The following ADAM22 variants were observed in gnomAD, a reference collection of about 807,000 sequenced individuals.
ADAM22 encodes ADAM metallopeptidase domain 22, also known as disintegrin and metalloproteinase domain-containing protein 22.
ADAM22 carries 65 observed loss-of-function variants against 144.6 expected under a neutral mutation model. The observed-to-expected ratio is 0.45, with a 90% confidence interval of 0.37 to 0.55. ADAM22 has a LOEUF of 0.55. Among genes scored for constraint, ADAM22 ranks in the 20% least tolerant of loss-of-function variants. The pLI is 0.00. For synonymous variants in ADAM22, 391 were observed against 412.6 expected (o/e 0.95, Z 0.63); for missense variants, 974 against 1,184.9 (o/e 0.82, Z 2.61).
At chr7:88,158,836 A>C (rs1840736076) in intron 22 of ADAM22, among the ~76,000 whole-genome samples, 1 of 152,114 alleles carries the variant, frequency 6.6e-6, no homozygotes, top group Non-Finnish European at 1.5e-5. Flanking sequence ...ATCTAACATC[A>C]CAACTAAAAG....
At chr7:88,037,843 A>C (rs1239331586) in intron 3 of ADAM22, among the ~76,000 whole-genome samples, 1 of 152,184 alleles carries the variant, frequency 6.6e-6, no homozygotes, top group East Asian at 1.9e-4. Flanking sequence ...GTGATAATAT[A>C]GCCATATGTA....
At chr7:88,147,984 G>A (rs897365508) in intron 17 of ADAM22, among the ~76,000 whole-genome samples, 3 of 152,062 alleles carry the variant, frequency 2.0e-5, no homozygotes, top group South Asian at 2.1e-4. Flanking sequence ...TGCTTGGCAC[G>A]TTATTAAATA....
chr7:88,045,261 G>C (rs1163759420), intron 3 of ADAM22, among the ~76,000 whole-genome samples: 2 of 152,040 alleles, frequency 1.3e-5, no homozygotes, highest in East Asian at 1.9e-4. Flanking sequence ...CAGGCAATCT[G>C]TCCACCTCAG....
intron 2 of ADAM22, among the ~76,000 whole-genome samples, chr7:87,954,633 T>C (rs200898622): frequency 6.6e-6 from 1 of 152,208 alleles, no homozygotes; most frequent in Non-Finnish European, 1.5e-5. Flanking sequence ...GGAGTTGCTC[T>C]TCTCGAGGAG....
At chr7:88,180,094 T>G (rs1342805770) in intron 27 of ADAM22, among the ~76,000 whole-genome samples, 1 of 152,076 alleles carries the variant, frequency 6.6e-6, no homozygotes, top group African/African-American at 2.4e-5. Context: ...AAGGAATTAG[T>G]GAGACCTGGG....
intron 26 of ADAM22, among the ~76,000 whole-genome samples, chr7:88,175,250 A>G (rs1845348398): frequency 6.6e-6 from 1 of 152,172 alleles, no homozygotes; most frequent in African/African-American, 2.4e-5. Flanking sequence ...TAGATGATTT[A>G]TAATTATGAA....
At chr7:88,124,092 A>G (rs898630613) in intron 7 of ADAM22, among the ~76,000 whole-genome samples, 6 of 151,936 alleles carry the variant, frequency 3.9e-5, no homozygotes, top group African/African-American at 1.4e-4. Context: ...GTATTCTTCA[A>G]TTATTGGGTA....
chr7:88,033,369 T>C (rs1292574748), intron 3 of ADAM22, among the ~76,000 whole-genome samples: 7 of 152,248 alleles, frequency 4.6e-5, no homozygotes, highest in Non-Finnish European at 8.8e-5. Context: ...ACTCTTGTTC[T>C]TTTCCCTTAC....
chr7:88,199,729 A>G lies in ADAM22; in HGVS notation c.*3238A>G, dbSNP rs1324707103. 2.0e-5 allele frequency: 3 copies of G among 152,208 alleles called. No homozygotes were observed. Among genetic ancestry groups the G allele is most frequent in the Admixed American group, 6.5e-5 (1 of 15,276 alleles). 9.4% of individuals were successfully genotyped at this position (152,208 alleles called of 1,614,324 possible). ...AGAGTTGTTCCTTTAAAAAATGTTG[A>G]TGAATAAAGCAAATGTGGGTTTAAA... On this transcript the variant is annotated 3_prime_UTR_variant, in exon 32 of 32. Transcript: ENST00000413139.
At chr7:87,934,828 C>G in intron 1 of ADAM22, 198 bp from the exon 2 acceptor site, 3 of 741,108 alleles carry the variant, frequency 4.0e-6, no homozygotes, top group African/African-American at 1.8e-5. Flanking sequence ...GGGCCCCGCT[C>G]CTGGTTGCTC....
chr7:88,082,599 G>T (rs553661886), intron 4 of ADAM22, among the ~76,000 whole-genome samples: 294 of 152,148 alleles, frequency 1.9e-3, no homozygotes, highest in African/African-American at 6.6e-3. Context: ...CTGACAAAGG[G>T]CTAATATCCA....
chr7:88,188,036 A>G (rs1282606426), intron 30 of ADAM22, among the ~76,000 whole-genome samples: 1 of 151,808 alleles, frequency 6.6e-6, no homozygotes, highest in African/African-American at 2.4e-5. Flanking sequence ...AAGATGGCCA[A>G]CATCAGGAAG....
In ADAM22 at chr7:88,136,077, T is replaced by A. The variant is rs760392594; in HGVS notation, c.1220+46T>A. On this transcript the variant is annotated intron_variant, in intron 14 of 31. Coordinates refer to ENST00000413139, the MANE Select transcript of ADAM22 (RefSeq NM_001324418.2). Reference sequence around the variant, plus strand: ...AATAACTCAGTCTTACATTCCCTGCTGTGCTGTTGTCTTCTTAGGAATATG... The same window carrying A: ...AATAACTCAGTCTTACATTCCCTGCAGTGCTGTTGTCTTCTTAGGAATATG... 6 of 1,553,148 alleles carry A rather than the reference T, an allele frequency of 3.9e-6. No homozygotes were observed. The African/African-American group carries it at 8.1e-5, about 21-fold the overall frequency.
chr7:88,114,815 A>T (rs1217906546), intron 6 of ADAM22, among the ~76,000 whole-genome samples, 168 bp downstream of exon 6: 1 of 152,172 alleles, frequency 6.6e-6, no homozygotes, highest in Admixed American at 6.6e-5. Flanking sequence ...TGTCCTGATA[A>T]ACCTATCATA....
chr7:88,009,448 G>C (rs1222717030), intron 3 of ADAM22, among the ~76,000 whole-genome samples: 3 of 151,928 alleles, frequency 2.0e-5, no homozygotes, highest in Non-Finnish European at 4.4e-5. Context: ...TATTTTAGTT[G>C]TTTAATGAAT....
At chr7:88,113,784 G>T (rs1826960709) in intron 5 of ADAM22, among the ~76,000 whole-genome samples, 1 of 128,786 alleles carries the variant, frequency 7.8e-6, no homozygotes, top group South Asian at 2.7e-4. Flanking sequence ...ACAGAGAATT[G>T]GTCTGTTTTG....
intron 8 of ADAM22, 70 bp downstream of exon 8, chr7:88,125,729 G>GT: frequency 7.9e-7 from 1 of 1,273,496 alleles, no homozygotes; most frequent in East Asian, 2.6e-5. Flanking sequence ...TGAATCTACA[G>GT]TAAGTCTGTG....
At chr7:87,970,858 A>T (rs1360592502) in intron 2 of ADAM22, among the ~76,000 whole-genome samples, 2 of 152,282 alleles carry the variant, frequency 1.3e-5, no homozygotes, top group African/African-American at 2.4e-5. Context: ...TAGAATTTAG[A>T]ATTATCTTTA....
chr7:88,152,689 G>T (rs183622282), intron 20 of ADAM22, among the ~76,000 whole-genome samples: 1 of 151,922 alleles, frequency 6.6e-6, no homozygotes, highest in Admixed American at 6.6e-5. Context: ...TGTTGTTGTT[G>T]TTGTTGTTGA....
Sources: allele counts gnomAD v4.1 joint callset (sites outside exome capture counted in the v4.1 genomes callset), GRCh38; gene constraint gnomAD v4.1.1; transcripts MANE v1.5; gene names NCBI Gene and HGNC (gene_info 2026-07-23, HGNC 2026-07-21).